Variants in SYTL2 observed in about 807,000 individuals in gnomAD.
The protein encoded by SYTL2 is synaptotagmin-like protein 2.
A neutral mutation model predicts 198.7 loss-of-function variants in SYTL2; 165 were observed. That is an observed-to-expected ratio of 0.83 (90% CI 0.73 to 0.94). The LOEUF is 0.94. Ranked by LOEUF, SYTL2 falls within the 40% of genes least tolerant of loss-of-function variation. SYTL2 has a pLI of 0.00. For synonymous variants in SYTL2, 966 were observed against 917.7 expected, an observed-to-expected ratio of 1.05 and a Z score of -0.95; for missense variants, 2,835 against 2,582.8, an observed-to-expected ratio of 1.10 and a Z score of -2.12.
the SYTL2 span, among the ~76,000 whole-genome samples, chr11:85,841,554 C>A: frequency 1.3e-5 from 2 of 152,148 alleles, no homozygotes; most frequent in Non-Finnish European, 2.9e-5. Context: ...TTATCCTTAG[C>A]AAACTAATGG....
At chr11:85,820,994 T>TGG in the SYTL2 span, among the ~76,000 whole-genome samples, 159 of 152,328 alleles carry the variant, frequency 1.0e-3, 2 homozygotes, top group African/African-American at 3.4e-3. Context: ...TGCTGCATGC[T>TGG]GGGGGATACA....
At chr11:85,833,109 A>T in the SYTL2 span, among the ~76,000 whole-genome samples, 1 of 74,014 alleles carries the variant, frequency 1.4e-5, no homozygotes, top group Non-Finnish European at 2.8e-5. Flanking sequence ...GAAGGAAGGA[A>T]GGAAGGAAGG....
At chr11:85,730,385 C>T (rs1248410788) in intron 7 of SYTL2, among the ~76,000 whole-genome samples, 1 of 152,182 alleles carries the variant, frequency 6.6e-6, no homozygotes, top group East Asian at 1.9e-4. Flanking sequence ...CATCAAAAAG[C>T]TTATCGACTA....
the SYTL2 span, among the ~76,000 whole-genome samples, chr11:85,821,992 T>C: frequency 1.3e-5 from 2 of 149,962 alleles, no homozygotes; most frequent in Admixed American, 6.6e-5. Flanking sequence ...TTGGGCCTCA[T>C]AGAGAGCCCT....
At chr11:85,758,896 T>A (rs2091997550) in intron 1 of SYTL2, among the ~76,000 whole-genome samples, 1 of 152,124 alleles carries the variant, frequency 6.6e-6, no homozygotes, top group South Asian at 2.1e-4. Flanking sequence ...CCACTCAAGG[T>A]TGGGGCACTT....
the SYTL2 span, among the ~76,000 whole-genome samples, chr11:85,833,888 G>A: frequency 1.6e-4 from 25 of 151,918 alleles, no homozygotes; most frequent in Non-Finnish European, 3.1e-4. Context: ...ACAAGCATAC[G>A]TCACCATGCC....
At position 85,724,350 on chromosome 11, in the gene SYTL2, C is replaced by T; in HGVS notation, c.5008G>A (p.Ala1670Thr). Reference protein sequence around the residue: ...EIPRTPQLYVAHEIGTIKTVT... With the variant: ...EIPRTPQLYVTHEIGTIKTVT... ...GTTTTAATGGTCCCTATTTCATGAG[C>T]CACATAAAGTTGTGGGGTTCTAGGG... Residue 1670 changes from alanine to threonine, a missense_variant, in exon 8 of 20, where the codon GCT becomes ACT. Coordinates refer to ENST00000359152, the MANE Select transcript of SYTL2 (RefSeq NM_206927.4). 1 of 1,584,154 alleles carries T rather than the reference C, an allele frequency of 6.3e-7. No individual in the cohort carries two copies. The highest frequency in any genetic ancestry group is 8.6e-7 in the Non-Finnish European group (1 of 1,168,240).
chr11:85,727,686 C>A lies in SYTL2; in HGVS notation c.1672G>T (p.Ala558Ser). ...GTGTCATCTGTCACCAAGTCAACAGCAACCTGTGATTTTGAGTCTGTTTTT... is the reference window on the plus strand; with the variant it reads ...GTGTCATCTGTCACCAAGTCAACAGAAACCTGTGATTTTGAGTCTGTTTTT... ...KEKTDSKSQV[A>S]VDLVTDDTTL... The change falls in exon 8 of 20, where the codon GCT (alanine) becomes TCT (serine). Residue 558 changes from alanine to serine, a missense_variant. This residue lies in a region of SYTL2 where 2,645 missense variants were observed against 2,381.7 expected (regional missense o/e 1.11). Coordinates refer to ENST00000359152, the MANE Select transcript of SYTL2 (RefSeq NM_206927.4). 6.5e-7 allele frequency: 1 copy of A among 1,541,968 alleles called. No homozygotes were observed. Among genetic ancestry groups the A allele is most frequent in the South Asian group, 1.2e-5 (1 of 84,054 alleles).
chr11:85,706,737 T>TA (rs2085213590), intron 15 of SYTL2, among the ~76,000 whole-genome samples: 2 of 152,200 alleles, frequency 1.3e-5, no homozygotes, highest in Non-Finnish European at 2.9e-5. Flanking sequence ...CTAAGGGTTA[T>TA]AGAAAGCAGA....
At chr11:85,810,419 G>A (rs1352229497) in intron 1 of SYTL2, among the ~76,000 whole-genome samples, 1 of 152,122 alleles carries the variant, frequency 6.6e-6, no homozygotes, top group East Asian at 1.9e-4. Context: ...CACTTCAAAG[G>A]ATGATAAAGC....
chr11:85,833,102 G>GAAA, the SYTL2 span, among the ~76,000 whole-genome samples: 19 of 28,236 alleles, frequency 6.7e-4, no homozygotes, highest in East Asian at 5.4e-3. Context: ...AAAGAAAGAA[G>GAAA]GAAGGAAGGA....
At chr11:85,721,883 A>G (rs889597574) in intron 8 of SYTL2, among the ~76,000 whole-genome samples, 1 of 152,082 alleles carries the variant, frequency 6.6e-6, no homozygotes, top group African/African-American at 2.4e-5. Flanking sequence ...CAGCATTTCC[A>G]AAAGTATTTG....
At chr11:85,815,535 T>C (rs972320030), upstream of SYTL2, among the ~76,000 whole-genome samples, 2 of 152,262 alleles carry the variant, frequency 1.3e-5, no homozygotes, top group Non-Finnish European at 2.9e-5. Flanking sequence ...AATAATGCCT[T>C]GAACTTCTAC....
intron 1 of SYTL2, among the ~76,000 whole-genome samples, chr11:85,795,426 T>C (rs1325909929): frequency 6.6e-6 from 1 of 152,200 alleles, no homozygotes; most frequent in Non-Finnish European, 1.5e-5. Flanking sequence ...TTACGCCCAG[T>C]AGCCTGAGTT....
chr11:85,814,362 G>A (rs1247296725), upstream of SYTL2, among the ~76,000 whole-genome samples: 1 of 152,214 alleles, frequency 6.6e-6, no homozygotes, highest in Non-Finnish European at 1.5e-5. Flanking sequence ...ATATTGGAAA[G>A]GGGAAATGTA....
chr11:85,792,523 C>T (rs2092744658), intron 1 of SYTL2, among the ~76,000 whole-genome samples: 1 of 151,832 alleles, frequency 6.6e-6, no homozygotes, highest in Non-Finnish European at 1.5e-5. Context: ...TCCTTGGAAA[C>T]AATAAACCAG....
intron 17 of SYTL2, 105 bp downstream of exon 17, chr11:85,700,410 T>G: frequency 1.2e-6 from 1 of 852,644 alleles, no homozygotes; most frequent in South Asian, 1.5e-5. Context: ...CGTTACTAAC[T>G]TGATAAGTTT....
chr11:85,748,962 C>T (rs750164238), intron 2 of SYTL2, among the ~76,000 whole-genome samples: 2 of 152,094 alleles, frequency 1.3e-5, no homozygotes, highest in Non-Finnish European at 2.9e-5. Flanking sequence ...TAGAGACTTT[C>T]CTGGAAGCCT....
intron 2 of SYTL2, 34 bp from the exon 3 acceptor site, chr11:85,748,457 AC>A (rs753701679): frequency 6.2e-7 from 1 of 1,609,342 alleles, no homozygotes; most frequent in Non-Finnish European, 8.5e-7. Flanking sequence ...TTTGCTGAGA[AC>A]CCACAGTAAA....
Sources: gnomAD v4.1 joint callset for allele counts (sites outside exome capture counted in the v4.1 genomes callset) on GRCh38, gnomAD v4.1.1 for gene constraint, gnomAD v4.1.1 regional missense constraint, MANE v1.5 for transcripts, NCBI Gene and HGNC (gene_info 2026-07-23, HGNC 2026-07-21) for gene names.